AJAP1: variants seen among roughly 807,000 people sequenced by gnomAD.
AJAP1 encodes adherens junction-associated protein 1.
Under a neutral mutation model 35.0 loss-of-function variants are expected in AJAP1, and 5 were observed. The ratio of observed to expected loss-of-function variants is 0.14; its 90% CI spans 0.07 to 0.30. The LOEUF (loss-of-function observed/expected upper bound fraction) is 0.30. Among genes scored for constraint, AJAP1 ranks in the 10% least tolerant of loss-of-function variants. The pLI is 1.00. For missense variants in AJAP1, 586 were observed against 571.0 expected, an observed-to-expected ratio of 1.03 and a Z score of -0.27; for synonymous variants, 284 against 249.3, an observed-to-expected ratio of 1.14 and a Z score of -1.31.
Position 4,655,799 on chromosome 1 carries a change from G to T in AJAP1, c.29+345G>T, listed in dbSNP as rs1638866929. On this transcript the variant is annotated intron_variant, in intron 1 of 5. Transcript: ENST00000378191. This position sits in a 1 kb window ranked among gnomAD's most constrained non-coding sequence, Gnocchi z 6.9. ...TGCCCCGGCGCGCCTCCTCCCCGGG[G>T]CCCGGGGCGAGGCGCCGGCCGCTGG... is the stretch of plus-strand genomic sequence containing the variant. Among the ~76,000 whole-genome samples, 1 of 148,860 alleles carries T rather than the reference G, an allele frequency of 6.7e-6. No homozygotes were observed. Among genetic ancestry groups the T allele is most frequent in the Non-Finnish European group, 1.5e-5 (1 of 66,908 alleles).
chr1:4,750,541 A>G (rs899639855), intron 2 of AJAP1, among the ~76,000 whole-genome samples: 2 of 151,930 alleles, frequency 1.3e-5, no homozygotes, highest in African/African-American at 4.8e-5. Flanking sequence ...TGGGTTCTCT[A>G]GGAGCAGGGC....
chr1:4,670,274 T>G (rs1334075897), intron 1 of AJAP1, among the ~76,000 whole-genome samples: 1 of 152,144 alleles, frequency 6.6e-6, no homozygotes, highest in Non-Finnish European at 1.5e-5. Flanking sequence ...GGAGGCTCAG[T>G]GAGAAGCAGC....
intron 1 of AJAP1, among the ~76,000 whole-genome samples, chr1:4,681,334 G>A (rs562510941): frequency 1.1e-4 from 17 of 152,220 alleles, no homozygotes; most frequent in Non-Finnish European, 1.9e-4. Flanking sequence ...CACTGTTGGC[G>A]TCCCCCTTCG....
intron 1 of AJAP1, among the ~76,000 whole-genome samples, chr1:4,709,922 G>C (rs1369120355): frequency 6.6e-6 from 1 of 151,996 alleles, no homozygotes; most frequent in African/African-American, 2.4e-5. Context: ...ATGACTGGGG[G>C]GCCATCTGTT....
At chr1:4,664,430 C>G (rs1043158164) in intron 1 of AJAP1, among the ~76,000 whole-genome samples, 1 of 152,094 alleles carries the variant, frequency 6.6e-6, no homozygotes, top group Non-Finnish European at 1.5e-5. Flanking sequence ...GCGTTCTGAG[C>G]CTGGTAGGGG....
intron 2 of AJAP1, among the ~76,000 whole-genome samples, chr1:4,717,257 G>T (rs1440218434): frequency 6.6e-6 from 1 of 152,212 alleles, no homozygotes; most frequent in Non-Finnish European, 1.5e-5. Flanking sequence ...TGGGGCAGGA[G>T]TGCTTGGTGT....
At chr1:4,753,892 G>A (rs905329659) in intron 2 of AJAP1, among the ~76,000 whole-genome samples, 2 of 152,176 alleles carry the variant, frequency 1.3e-5, no homozygotes, top group Non-Finnish European at 2.9e-5. Flanking sequence ...TTTAAAGGTG[G>A]TGTCTGATAA....
chr1:4,698,875 G>C (rs1353574626), intron 1 of AJAP1, among the ~76,000 whole-genome samples: 1 of 152,202 alleles, frequency 6.6e-6, no homozygotes, highest in Non-Finnish European at 1.5e-5. Context: ...GAAGCCCTTG[G>C]CTGCAGCTTG....
chr1:4,722,426 C>T (rs138988514), intron 2 of AJAP1, among the ~76,000 whole-genome samples: 3,296 of 152,294 alleles, frequency 0.022, 48 homozygotes, highest in Middle Eastern at 0.045. Context: ...CTAGACATTC[C>T]GAAAGCAGCC....
rs558676976 is a variant in AJAP1, at chr1:4,701,981, C to T, written c.30-9919C>T. The stretch of plus-strand genomic sequence containing the variant: ...TTCATAGATTGCCCAGGAAGTAGTC[C>T]CTGAAATTACAGGTCACAGGAGTTA... On this transcript the variant is annotated intron_variant, in intron 1 of 5. Transcript: ENST00000378191. Among the ~76,000 whole-genome samples the T allele has an allele frequency of 4.9e-4, 75 of 152,270 alleles. 1 individual carries two copies. Among genetic ancestry groups the T allele is most frequent in the African/African-American group, 1.6e-3 (66 of 41,548 alleles).
chr1:4,685,778 C>G (rs1347310882), intron 1 of AJAP1, among the ~76,000 whole-genome samples: 1 of 152,230 alleles, frequency 6.6e-6, no homozygotes, highest in Non-Finnish European at 1.5e-5. Context: ...ACTTCTTAGA[C>G]ATTCTGAAGC....
At chr1:4,754,425 C>T (rs1641382634) in intron 2 of AJAP1, among the ~76,000 whole-genome samples, 1 of 152,204 alleles carries the variant, frequency 6.6e-6, no homozygotes, top group African/African-American at 2.4e-5. Context: ...ACTCCCTTTC[C>T]CTTCTGGCTA....
chr1:4,667,755 A>C (rs1226411728), intron 1 of AJAP1, among the ~76,000 whole-genome samples: 1 of 152,170 alleles, frequency 6.6e-6, no homozygotes, highest in African/African-American at 2.4e-5. Flanking sequence ...ACCCCCAGTC[A>C]GTTGCTGCTT....
chr1:4,725,606 G>A (rs74051953), intron 2 of AJAP1, among the ~76,000 whole-genome samples: 2,625 of 152,224 alleles, frequency 0.017, 75 homozygotes, highest in African/African-American at 0.06. Flanking sequence ...GGAGTTGCTC[G>A]GCCAACGGAA....
chr1:4,768,333 T>C (rs2100356621), intron 2 of AJAP1, among the ~76,000 whole-genome samples: 1 of 152,020 alleles, frequency 6.6e-6, no homozygotes, highest in Non-Finnish European at 1.5e-5. Flanking sequence ...CGGATGCTGT[T>C]ATTCTGTGGA....
At chr1:4,712,797 G>T (rs1640295406) in intron 2 of AJAP1, 98 bp downstream of exon 2, 3 of 1,305,318 alleles carry the variant, frequency 2.3e-6, no homozygotes, top group South Asian at 1.7e-5. Context: ...GATGCTATGT[G>T]TGGAGGCTCC....
chr1:4,683,376 ACT>A (rs1308445236), intron 1 of AJAP1, among the ~76,000 whole-genome samples: 1 of 152,034 alleles, frequency 6.6e-6, no homozygotes, highest in Non-Finnish European at 1.5e-5. Context: ...GCCCGCCCTC[ACT>A]GTTTCCCATT....
At chr1:4,742,335 A>T (rs766433377) in intron 2 of AJAP1, among the ~76,000 whole-genome samples, 9 of 152,178 alleles carry the variant, frequency 5.9e-5, no homozygotes, top group South Asian at 2.1e-4. Context: ...CAAATTCATA[A>T]CCTGATCTGT....
At chr1:4,711,497 TC>T (rs1199590976) in intron 1 of AJAP1, among the ~76,000 whole-genome samples, 1 of 152,182 alleles carries the variant, frequency 6.6e-6, no homozygotes. Flanking sequence ...ACTTACGTCC[TC>T]TCGTCGTGTG....
Sources: gnomAD v4.1 joint callset for allele counts (sites outside exome capture counted in the v4.1 genomes callset) on GRCh38, gnomAD v4.1.1 for gene constraint, Gnocchi (gnomAD v3.1) non-coding constraint, MANE v1.5 for transcripts, NCBI Gene and HGNC (gene_info 2026-07-23, HGNC 2026-07-21) for gene names.